Variants in GDNF observed in about 807,000 individuals in gnomAD.
GDNF encodes glial cell derived neurotrophic factor.
GDNF carries 5 observed loss-of-function variants against 13.7 expected under a neutral mutation model. The observed-to-expected ratio is 0.36, with a 90% CI of 0.19 to 0.77. GDNF has a LOEUF of 0.77. Among genes scored for constraint, GDNF ranks in the 30% least tolerant of loss-of-function variants. The probability of loss-of-function intolerance (pLI) is 0.51; values close to 1 mark genes in which losing one functional copy is unlikely to be tolerated. For missense variants in GDNF, 246 were observed against 274.3 expected (o/e 0.90, Z 0.73); for synonymous variants, 122 against 112.5 (o/e 1.08, Z -0.53).
Position 37,837,372 on chromosome 5 carries a change from T to C in GDNF, c.-27+2135A>G, listed in dbSNP as rs1300359792. 1.3e-5 allele frequency among the ~76,000 whole-genome samples: 2 copies of C among 152,102 alleles called. No individual in the cohort carries two copies. The highest frequency in any genetic ancestry group is 4.8e-5 in the African/African-American group (2 of 41,430). On this transcript the variant is annotated intron_variant, in intron 1 of 2. Transcript: ENST00000326524. This position sits in a 1 kb window ranked among gnomAD's most constrained non-coding sequence, Gnocchi z 6.5. The stretch of plus-strand genomic sequence containing the variant: ...CTCTGCCAGGTGACCGCGCACCATT[T>C]CTCGTGCCTGGCAAGCTGGTCCCCT...
chr5:37,828,035 G>A (rs1044455144), intron 2 of GDNF, among the ~76,000 whole-genome samples: 2 of 152,262 alleles, frequency 1.3e-5, no homozygotes, highest in East Asian at 3.9e-4. Flanking sequence ...TGCAAAAGTG[G>A]GTTTTGCCTC....
chr5:37,815,316 A>G lies in GDNF; in HGVS notation c.*335T>C. On this transcript the variant is annotated 3_prime_UTR_variant, in exon 3 of 3. Coordinates refer to ENST00000326524, the MANE Select transcript of GDNF (RefSeq NM_000514.4). The surrounding 1 kb of genome is among the most constrained non-coding windows in gnomAD (Gnocchi z 5.0). ...ACCGCAACCGCGCCGGTAATCAGTG[A>G]TGGTGGACTGTATCAGCTGAAATGG... 2.5e-6 allele frequency: 1 copy of G among 404,524 alleles called. No homozygotes were observed. The highest frequency in any genetic ancestry group is 5.2e-5 in the East Asian group (1 of 19,142). The allele number at this position is 404,524 out of a possible 1,614,324, so 25.1% of individuals were successfully genotyped here. A position where few individuals can be genotyped will look rare whatever the true frequency, so the allele number is the denominator to read the frequency against.
chr5:37,828,645 C>T (rs764483803), intron 2 of GDNF, among the ~76,000 whole-genome samples: 25 of 152,170 alleles, frequency 1.6e-4, no homozygotes, highest in Middle Eastern at 6.3e-3. Flanking sequence ...CTGGCTTCAC[C>T]ACTTACTAGG....
At chr5:37,817,020 G>A (rs1304789057) in intron 2 of GDNF, among the ~76,000 whole-genome samples, 1 of 152,186 alleles carries the variant, frequency 6.6e-6, no homozygotes, top group African/African-American at 2.4e-5. Context: ...ATGAGATGCT[G>A]TTCGTGCATA....
intron 2 of GDNF, among the ~76,000 whole-genome samples, chr5:37,833,315 C>T (rs190417869): frequency 6.5e-4 from 99 of 152,268 alleles, no homozygotes; most frequent in Admixed American, 5.8e-3. Flanking sequence ...CGTTTATATA[C>T]ATTAAATTTG....
At position 37,815,523 on chromosome 5, in the gene GDNF, T is replaced by TCCTCCTCCTCCTCCTCC. The variant is rs1749883425; in HGVS notation, c.*127_*128insGGAGGAGGAGGAGGAGG. On this transcript the variant is annotated 3_prime_UTR_variant, in exon 3 of 3. Coordinates refer to ENST00000326524, the MANE Select transcript of GDNF (RefSeq NM_000514.4). This position sits in a 1 kb window ranked among gnomAD's most constrained non-coding sequence, Gnocchi z 5.0. ...CCTCCTCCTCCTCCTCCTCCTCCTCTTCTTCTTCCTCCTCCTCCGCCTCCT... is the reference window on the plus strand; with the variant it reads ...CCTCCTCCTCCTCCTCCTCCTCCTCTCCTCCTCCTCCTCCTCCTCTTCTTCCTCCTCCTCCGCCTCCT... The TCCTCCTCCTCCTCCTCC allele has an allele frequency of 1.4e-6, 1 of 732,406 alleles. No homozygotes were observed. The highest frequency in any genetic ancestry group is 2.8e-5 in the African/African-American group (1 of 35,710). The allele number at this position is 732,406 out of a possible 1,614,324, so 45.4% of individuals were successfully genotyped here. A position where few individuals can be genotyped will look rare whatever the true frequency, so the allele number is the denominator to read the frequency against.
At chr5:37,829,002 A>G (rs1750427558) in intron 2 of GDNF, among the ~76,000 whole-genome samples, 1 of 152,272 alleles carries the variant, frequency 6.6e-6, no homozygotes, top group African/African-American at 2.4e-5. Context: ...ACAGCTTTGA[A>G]GCAAGATCCC....
intron 2 of GDNF, 76 bp downstream of exon 2, chr5:37,834,570 C>T: frequency 3.2e-6 from 4 of 1,262,662 alleles, no homozygotes; most frequent in Non-Finnish European, 3.2e-6. Context: ...GCTTGGGGTA[C>T]GTGCGGGGCT....
At chr5:37,836,449 A>G (rs1288024970) in intron 1 of GDNF, among the ~76,000 whole-genome samples, 1 of 152,162 alleles carries the variant, frequency 6.6e-6, no homozygotes, top group Non-Finnish European at 1.5e-5. Context: ...TTCGCTATGC[A>G]GCTGTTGGGC....
intron 2 of GDNF, among the ~76,000 whole-genome samples, chr5:37,820,003 G>C (rs1011237245): frequency 6.6e-6 from 1 of 152,054 alleles, no homozygotes; most frequent in Non-Finnish European, 1.5e-5. Flanking sequence ...CGGAACTTAT[G>C]AAACAGATCT....
In GDNF at chr5:37,815,824, T is replaced by G; in HGVS notation, c.463A>C (p.Thr155Pro). The change falls in exon 3 of 3, where the codon ACG becomes CCG. Residue 155 changes from threonine (T) to proline (P), a missense_variant. Coordinates refer to ENST00000326524, the MANE Select transcript of GDNF (RefSeq NM_000514.4). This position sits in a 1 kb window ranked among gnomAD's most constrained non-coding sequence, Gnocchi z 5.0. ...AAGTTTTTCAATATTTTGTCGTACG[T>G]TGTCTCAGCTGCATCGCAAGAGCCG... ...CSGSCDAAET[T>P]YDKILKNLSR... The G allele has an allele frequency of 3.7e-6, 6 of 1,614,120 alleles. No homozygotes were observed. Among genetic ancestry groups the G allele is most frequent in the Non-Finnish European group, 5.1e-6 (6 of 1,179,944 alleles).
At chr5:37,820,024 A>T (rs1040578849) in intron 2 of GDNF, among the ~76,000 whole-genome samples, 5 of 152,228 alleles carry the variant, frequency 3.3e-5, no homozygotes, top group African/African-American at 1.2e-4. Context: ...ATTAGGAGTG[A>T]TTAATCAAAA....
chr5:37,832,882 G>T (rs1457507102), intron 2 of GDNF, among the ~76,000 whole-genome samples: 1 of 152,196 alleles, frequency 6.6e-6, no homozygotes, highest in African/African-American at 2.4e-5. Context: ...AGTTCCCCAG[G>T]TGACTCCAAT....
intron 2 of GDNF, among the ~76,000 whole-genome samples, chr5:37,817,165 T>C (rs1749962465): frequency 1.3e-5 from 2 of 152,336 alleles, no homozygotes; most frequent in Non-Finnish European, 2.9e-5. Flanking sequence ...GACACTAAGA[T>C]GTCTGAGACC....
chr5:37,826,120 C>A (rs912482365), intron 2 of GDNF, among the ~76,000 whole-genome samples: 5 of 152,118 alleles, frequency 3.3e-5, no homozygotes, highest in Non-Finnish European at 7.4e-5. Context: ...CTCAGGCTGC[C>A]CTGTGTCCAG....
intron 2 of GDNF, among the ~76,000 whole-genome samples, chr5:37,827,607 A>C (rs2111687374): frequency 6.6e-6 from 1 of 152,350 alleles, no homozygotes; most frequent in South Asian, 2.1e-4. Context: ...TTCTTTGCTT[A>C]TCTGACTGTT....
At position 37,815,801 on chromosome 5, in the gene GDNF, G is replaced by A. The variant is rs759160234; in HGVS notation, c.486C>T (p.Asn162=). Residue 162 remains asparagine (N), a synonymous_variant, in exon 3 of 3, where the codon AAC becomes AAT. Coordinates refer to ENST00000326524, the MANE Select transcript of GDNF (RefSeq NM_000514.4). This position sits in a 1 kb window ranked among gnomAD's most constrained non-coding sequence, Gnocchi z 5.0. ...AETTYDKILK[N]LSRNRRLVSD... ...TCACCAGCCTTCTATTTCTGGATAA[G>A]TTTTTCAATATTTTGTCGTACGTTG... 2 of 1,614,156 alleles carry A rather than the reference G, an allele frequency of 1.2e-6. No homozygotes were observed. Among genetic ancestry groups the A allele is most frequent in the East Asian group, 4.5e-5 (2 of 44,886 alleles).
Position 37,837,520 on chromosome 5 carries a change from A to C in GDNF, c.-27+1987T>G, listed in dbSNP as rs923527870. Among the ~76,000 whole-genome samples, 39 of 152,140 alleles carry C rather than the reference A, an allele frequency of 2.6e-4. No individual in the cohort carries two copies. The highest frequency in any genetic ancestry group is 9.4e-4 in the African/African-American group (39 of 41,448). ...AGGAAAGCCACAGAAGTGCTCGCAG[A>C]AGCAGCCGCTCGCCGCGAGGCACTT... On this transcript the variant is annotated intron_variant, in intron 1 of 2. Coordinates refer to ENST00000326524, the MANE Select transcript of GDNF (RefSeq NM_000514.4). The surrounding 1 kb of genome is among the most constrained non-coding windows in gnomAD (Gnocchi z 6.5).
In GDNF at chr5:37,839,680, G is replaced by C. The variant is rs964579155; in HGVS notation, c.-200C>G. On this transcript the variant is annotated 5_prime_UTR_variant, in exon 1 of 3. Transcript: ENST00000326524. The surrounding 1 kb of genome is among the most constrained non-coding windows in gnomAD (Gnocchi z 5.5). ...GGGCAGCAAGGGCGCGCTGGAGGCG[G>C]CGGCCAAGACTCCCGCCGCCGCCGC... The C allele has an allele frequency of 2.6e-5, 4 of 152,026 alleles. No individual in the cohort carries two copies. Among genetic ancestry groups the C allele is most frequent in the Non-Finnish European group, 5.9e-5 (4 of 68,108 alleles). The allele number at this position is 152,026 out of a possible 1,614,324, so 9.4% of individuals were successfully genotyped here.
Sources: gnomAD v4.1 joint callset for allele counts (sites outside exome capture counted in the v4.1 genomes callset) on GRCh38, gnomAD v4.1.1 for gene constraint, Gnocchi (gnomAD v3.1) non-coding constraint, MANE v1.5 for transcripts, NCBI Gene and HGNC (gene_info 2026-07-23, HGNC 2026-07-21) for gene names.